Variants in SMARCAL1 observed in about 807,000 individuals in gnomAD.
SMARCAL1 encodes the protein ATP-driven annealing helicase.
In SMARCAL1, 58 loss-of-function variants were observed where a neutral mutation model predicts 94.5. The observed-to-expected ratio is 0.61, with a 90% CI of 0.50 to 0.76. The LOEUF is 0.76. SMARCAL1 is among the 30% of genes least tolerant of loss of function. SMARCAL1 has a pLI of 0.00. For missense variants in SMARCAL1, 1,051 were observed against 1,177.9 expected, an observed-to-expected ratio of 0.89 and a Z score of 1.58; for synonymous variants, 422 against 455.1, an observed-to-expected ratio of 0.93 and a Z score of 0.93.
intron 12 of SMARCAL1, among the ~76,000 whole-genome samples, chr2:216,454,071 G>A (rs1315502062): frequency 6.6e-6 from 1 of 152,122 alleles, no homozygotes; most frequent in Non-Finnish European, 1.5e-5. Flanking sequence ...CAGATTTCCT[G>A]GTAACAATAT....
chr2:216,421,212 T>G (rs1693712927), intron 5 of SMARCAL1, among the ~76,000 whole-genome samples: 1 of 152,194 alleles, frequency 6.6e-6, no homozygotes, highest in South Asian at 2.1e-4. Flanking sequence ...GTTTTTTGTT[T>G]GTTTTGGTTT....
intron 10 of SMARCAL1, among the ~76,000 whole-genome samples, chr2:216,443,079 G>T (rs1423474193): frequency 1.3e-5 from 2 of 152,068 alleles, no homozygotes; most frequent in African/African-American, 4.8e-5. Flanking sequence ...CTTTTCCAGA[G>T]TAAAAAAATC....
chr2:216,479,574 A>T (rs1397916834), intron 17 of SMARCAL1, among the ~76,000 whole-genome samples: 1 of 124,772 alleles, frequency 8.0e-6, no homozygotes, highest in Non-Finnish European at 1.7e-5. Flanking sequence ...CTTTGCAAGG[A>T]TTTATTTGCT....
At chr2:216,421,546 A>G (rs1693721909) in intron 5 of SMARCAL1, among the ~76,000 whole-genome samples, 1 of 151,996 alleles carries the variant, frequency 6.6e-6, no homozygotes. Context: ...TGGCCTCCCA[A>G]AATGCTGGGA....
In SMARCAL1 at chr2:216,468,046, G is replaced by A. The variant is rs765641883; in HGVS notation, c.2244G>A (p.Lys748=). The change falls in exon 14 of 18, where the codon AAG becomes AAA. Residue 748 remains lysine (K), a splice_region_variant and synonymous_variant. Transcript: ENST00000357276. The part of the protein sequence containing the change: ...LDAITQELER[K]HVQHIRIDGS... ...CAATTACGCAAGAGCTTGAGAGAAA[G>A]GTGAGCTCCCTTTGAAATTCACCAT... is the stretch of plus-strand genomic sequence containing the variant. 3.7e-6 allele frequency: 6 copies of A among 1,606,962 alleles called. No homozygotes were observed. Among genetic ancestry groups the A allele is most frequent in the African/African-American group, 2.7e-5 (2 of 74,780 alleles).
At chr2:216,442,076 G>T (rs1007490305) in intron 10 of SMARCAL1, among the ~76,000 whole-genome samples, 2 of 152,018 alleles carry the variant, frequency 1.3e-5, no homozygotes, top group African/African-American at 4.8e-5. Context: ...AAGGTATAAG[G>T]TTTTTTTCTT....
At chr2:216,445,390 G>A (rs1364031445) in intron 10 of SMARCAL1, among the ~76,000 whole-genome samples, 3 of 152,026 alleles carry the variant, frequency 2.0e-5, no homozygotes, top group East Asian at 1.9e-4. Context: ...ACACCCATTG[G>A]CAACGCTCCC....
intron 7 of SMARCAL1, among the ~76,000 whole-genome samples, chr2:216,431,467 G>A (rs928299560): frequency 2.0e-5 from 3 of 152,200 alleles, no homozygotes; most frequent in East Asian, 1.9e-4. Context: ...TGCGACACGA[G>A]CAAGTCATTT....
Position 216,420,316 on chromosome 2 carries a change from C to T in SMARCAL1, c.880C>T (p.Leu294Phe), listed in dbSNP as rs1359789676. 1 of 1,614,066 alleles carries T rather than the reference C, an allele frequency of 6.2e-7. No homozygotes were observed. The highest frequency in any genetic ancestry group is 1.1e-5 in the South Asian group (1 of 91,076). Residue 294 changes from leucine (L) to phenylalanine (F), a missense_variant, in exon 5 of 18, where the codon CTC becomes TTC. Coordinates refer to ENST00000357276, the MANE Select transcript of SMARCAL1 (RefSeq NM_014140.4). ...YSALMKAAQS[L>F]PTVNLQPLEW... is the part of the protein sequence containing the mutation. The stretch of plus-strand genomic sequence containing the variant: ...TTTGGCAGTGAAAGCAGCCCAGAGC[C>T]TCCCCACGGTCAACCTGCAGCCTCT...
At chr2:216,472,613 A>T (rs544213675) in intron 14 of SMARCAL1, among the ~76,000 whole-genome samples, 2 of 151,988 alleles carry the variant, frequency 1.3e-5, no homozygotes, top group Admixed American at 6.6e-5. Context: ...CCTCTGTGAC[A>T]TACAAATAAT....
intron 6 of SMARCAL1, among the ~76,000 whole-genome samples, chr2:216,424,567 A>G (rs1052124043): frequency 1.3e-5 from 2 of 152,164 alleles, no homozygotes; most frequent in Non-Finnish European, 2.9e-5. Context: ...CTGGCAGGCT[A>G]GGGCTTCAAT....
Position 216,475,130 on chromosome 2 carries a change from A to G in SMARCAL1, c.2245-139A>G, listed in dbSNP as rs1010579717. ...AGCAGTCATCTCAATACCAATGTCA[A>G]TTTGAAAAGAAAAGCTCTGAAGGCA... On this transcript the variant is annotated intron_variant, in intron 14 of 17. Transcript: ENST00000357276. The surrounding 1 kb of genome is among the most constrained non-coding windows in gnomAD (Gnocchi z 4.4). 8 of 746,064 alleles carry G rather than the reference A, an allele frequency of 1.1e-5. No individual in the cohort carries two copies. The highest frequency in any genetic ancestry group is 1.6e-5 in the South Asian group (1 of 60,974). 46.2% of individuals were successfully genotyped at this position (746,064 alleles called of 1,614,324 possible).
At chr2:216,448,330 T>A (rs1694364277) in intron 11 of SMARCAL1, among the ~76,000 whole-genome samples, 1 of 152,190 alleles carries the variant, frequency 6.6e-6, no homozygotes, top group South Asian at 2.1e-4. Flanking sequence ...TCGCAAACAG[T>A]CCACTTTCTA....
At chr2:216,435,725 G>T (rs913223697) in intron 9 of SMARCAL1, among the ~76,000 whole-genome samples, 3 of 152,090 alleles carry the variant, frequency 2.0e-5, no homozygotes, top group Admixed American at 2.0e-4. Flanking sequence ...TTGAAATTGT[G>T]ATTTAATTAG....
At chr2:216,476,734 A>G (rs1346894040) in intron 15 of SMARCAL1, among the ~76,000 whole-genome samples, 2 of 152,178 alleles carry the variant, frequency 1.3e-5, no homozygotes, top group African/African-American at 4.8e-5. Flanking sequence ...TTTATTTCAT[A>G]CAGTGAAGAA....
At chr2:216,423,881 C>T (rs1007230636) in intron 6 of SMARCAL1, among the ~76,000 whole-genome samples, 198 bp downstream of exon 6, 4 of 152,154 alleles carry the variant, frequency 2.6e-5, no homozygotes, top group African/African-American at 7.2e-5. Flanking sequence ...CAGACAAATG[C>T]CGGGCCTCTT....
rs1421489011 is a variant in SMARCAL1 at position 216,414,793 on chromosome 2, C to T, written c.89C>T (p.Ala30Val). ...ALARRAEKLLAEQHQRTSSGT... is the reference protein window; with the variant it reads ...ALARRAEKLLVEQHQRTSSGT... Reference sequence around the variant, plus strand: ...GCCCGCAGAGCTGAGAAGTTATTGGCAGAACAGCATCAGAGGACTAGCTCG... The same window carrying T: ...GCCCGCAGAGCTGAGAAGTTATTGGTAGAACAGCATCAGAGGACTAGCTCG... The change falls in exon 3 of 18, where the codon GCA becomes GTA. Residue 30 changes from alanine (A) to valine (V), a missense_variant. By Grantham distance (64) the Ala-to-Val change is moderately conservative. This residue lies in a region of SMARCAL1 where 398 missense variants were observed against 395.2 expected (regional missense o/e 1.01). Transcript: ENST00000357276. 3.1e-6 allele frequency: 5 copies of T among 1,614,074 alleles called. No individual in the cohort carries two copies. In the African/African-American group the frequency reaches 6.7e-5, roughly 22 times the overall value.
At chr2:216,466,764 T>G (rs1379935858) in intron 13 of SMARCAL1, among the ~76,000 whole-genome samples, 4 of 152,176 alleles carry the variant, frequency 2.6e-5, no homozygotes, top group Non-Finnish European at 4.4e-5. Context: ...AGCCGTAAAC[T>G]TTTTTGCTTA....
At chr2:216,456,703 A>G (rs936823549) in intron 12 of SMARCAL1, among the ~76,000 whole-genome samples, 4 of 152,242 alleles carry the variant, frequency 2.6e-5, no homozygotes, top group Non-Finnish European at 5.9e-5. Flanking sequence ...AGCACTAAAC[A>G]TGGAAAGGAA....
Sources: allele counts gnomAD v4.1 joint callset (sites outside exome capture counted in the v4.1 genomes callset), GRCh38; gene constraint gnomAD v4.1.1; regional missense constraint gnomAD v4.1.1; non-coding constraint Gnocchi (gnomAD v3.1); transcripts MANE v1.5; gene names NCBI Gene and HGNC (gene_info 2026-07-23, HGNC 2026-07-21).